The following RPS6KA2 variants were observed in gnomAD, a reference collection of about 807,000 sequenced individuals.
RPS6KA2 encodes ribosomal protein S6 kinase A2.
In RPS6KA2, 42 loss-of-function variants were observed where a neutral mutation model predicts 91.8. The ratio of observed to expected loss-of-function variants is 0.46; its 90% CI spans 0.36 to 0.59. The LOEUF is 0.59. Among genes scored for constraint, RPS6KA2 ranks in the 20% least tolerant of loss-of-function variants. The pLI, the probability that RPS6KA2 is intolerant of heterozygous loss-of-function variation, is 0.00. For missense variants in RPS6KA2, 798 were observed against 978.5 expected (o/e 0.82, Z 2.46); for synonymous variants, 414 against 393.6 (o/e 1.05, Z -0.61).
intron 11 of RPS6KA2, among the ~76,000 whole-genome samples, chr6:166,467,082 CCTCA>C (rs1205496337): frequency 2.7e-5 from 4 of 147,300 alleles, no homozygotes; most frequent in Admixed American, 1.3e-4. Context: ...TCACTCACTC[CCTCA>C]CTCATTCACT....
At position 166,423,560 on chromosome 6, in the gene RPS6KA2, A is replaced by G. The variant is rs1778806051; in HGVS notation, c.1582-143T>C. ...AGCAGGCAACAGGCCAACAGTGTCA[A>G]CAGCTGCTGTCTTCTCCAGAGGGCC... On this transcript the variant is annotated intron_variant, in intron 16 of 20. Coordinates refer to ENST00000265678, the MANE Select transcript of RPS6KA2 (RefSeq NM_021135.6). The surrounding 1 kb of genome is among the most constrained non-coding windows in gnomAD (Gnocchi z 4.8). 1 of 724,918 alleles carries G rather than the reference A, an allele frequency of 1.4e-6. No homozygotes were observed. The highest frequency in any genetic ancestry group is 2.2e-6 in the Non-Finnish European group (1 of 455,244). The allele number at this position is 724,918 out of a possible 1,614,324, so 44.9% of individuals were successfully genotyped here.
rs370674303 is a variant in RPS6KA2 at position 166,459,179 on chromosome 6, C to T, written c.1075+270G>A. ...TTGCTCTTGCTGTGTGTCTCTCTGA[C>T]ACAGGAAGTAACTGGACCGGTGTCT... On this transcript the variant is annotated intron_variant, in intron 12 of 20. Transcript: ENST00000265678. The surrounding 1 kb of genome is among the most constrained non-coding windows in gnomAD (Gnocchi z 4.9). Among the ~76,000 whole-genome samples the T allele has an allele frequency of 1.6e-4, 24 of 152,288 alleles. No homozygotes were observed. Among genetic ancestry groups the T allele is most frequent in the African/African-American group, 5.5e-4 (23 of 41,560 alleles).
chr6:166,680,500 G>C (rs577828444), intron 2 of RPS6KA2, among the ~76,000 whole-genome samples: 9 of 152,298 alleles, frequency 5.9e-5, no homozygotes, highest in Middle Eastern at 6.8e-3. Context: ...AAATCTTGCT[G>C]GTGCCCACTT....
intron 2 of RPS6KA2, among the ~76,000 whole-genome samples, chr6:166,774,904 C>T (rs557415038): frequency 3.4e-5 from 5 of 148,530 alleles, no homozygotes; most frequent in Non-Finnish European, 7.4e-5. Context: ...GCTTCAATAG[C>T]TCTGAGCTGT....
Position 166,702,599 on chromosome 6 carries a change from G to A in RPS6KA2, c.123+155601C>T, listed in dbSNP as rs1789558561. ...GGGATATTTCGTATCTGAAGTTTCC[G>A]AATCCTTTGCCTTTTTGGGACCGAG... On this transcript the variant is annotated intron_variant, in intron 2 of 21. Transcript: ENST00000503859. 11 of 1,553,394 alleles carry A rather than the reference G, an allele frequency of 7.1e-6. No homozygotes were observed. The South Asian group carries it at 7.8e-5, about 11-fold the overall frequency.
At chr6:166,540,802 C>A (rs1391350885) in intron 1 of RPS6KA2, among the ~76,000 whole-genome samples, 14 of 152,256 alleles carry the variant, frequency 9.2e-5, no homozygotes, top group African/African-American at 3.4e-4. Context: ...CAGGGATCCA[C>A]GTGTGTCACT....
chr6:166,855,442 GA>G (rs1780867125), intron 2 of RPS6KA2, among the ~76,000 whole-genome samples: 1 of 93,216 alleles, frequency 1.1e-5, no homozygotes, highest in Admixed American at 9.9e-5. Flanking sequence ...AGAAGAGGAA[GA>G]AGAAGAGGAA....
At chr6:166,681,600 A>C (rs909941574) in intron 2 of RPS6KA2, among the ~76,000 whole-genome samples, 1 of 151,514 alleles carries the variant, frequency 6.6e-6, no homozygotes, top group African/African-American at 2.4e-5. Context: ...CCGAAGGGAA[A>C]ACTGTTCCTG....
At chr6:166,779,492 C>A (rs997700075) in intron 2 of RPS6KA2, among the ~76,000 whole-genome samples, 1 of 152,110 alleles carries the variant, frequency 6.6e-6, no homozygotes, top group Non-Finnish European at 1.5e-5. Context: ...GGCCTGGGAG[C>A]CTGTGCTTGT....
exon 1 of RPS6KA2, chr6:166,862,359 G>C: frequency 3.5e-6 from 5 of 1,425,230 alleles, no homozygotes; most frequent in Non-Finnish European, 4.6e-6. Flanking sequence ...GGCCTGCGCC[G>C]GCCGGAGGAG....
intron 2 of RPS6KA2, among the ~76,000 whole-genome samples, chr6:166,721,226 G>A (rs1244013168): frequency 6.6e-6 from 1 of 152,214 alleles, no homozygotes; most frequent in East Asian, 1.9e-4. Context: ...TGGAAAGGCG[G>A]GGGACATCGG....
intron 1 of RPS6KA2, among the ~76,000 whole-genome samples, chr6:166,587,368 T>C (rs1785211406): frequency 6.6e-6 from 1 of 152,130 alleles, no homozygotes; most frequent in Non-Finnish European, 1.5e-5. Flanking sequence ...TCAAAATCAG[T>C]TCTAATCACC....
At chr6:166,479,499 C>T (rs1781110462) in intron 10 of RPS6KA2, among the ~76,000 whole-genome samples, 1 of 152,140 alleles carries the variant, frequency 6.6e-6, no homozygotes, top group Non-Finnish European at 1.5e-5. Flanking sequence ...TGAGTGGCAG[C>T]ATGGTCCTGC....
At chr6:166,690,621 T>C (rs1290171100) in intron 2 of RPS6KA2, among the ~76,000 whole-genome samples, 2 of 152,182 alleles carry the variant, frequency 1.3e-5, no homozygotes, top group Non-Finnish European at 2.9e-5. Flanking sequence ...GGTTTTCCTC[T>C]CTGTGGATGA....
At chr6:166,483,036 G>A (rs993914991) in intron 10 of RPS6KA2, among the ~76,000 whole-genome samples, 7 of 152,196 alleles carry the variant, frequency 4.6e-5, no homozygotes, top group Non-Finnish European at 1.0e-4. Flanking sequence ...AGAGATTCTG[G>A]AAAACCAGAT....
At chr6:166,544,368 G>A (rs1275097855) in intron 1 of RPS6KA2, among the ~76,000 whole-genome samples, 1 of 152,168 alleles carries the variant, frequency 6.6e-6, no homozygotes, top group Non-Finnish European at 1.5e-5. Context: ...TGCAGGAACA[G>A]CCCCCGGAGA....
At position 166,448,678 on chromosome 6, in the gene RPS6KA2, C is replaced by A; in HGVS notation, c.1332+46G>T. On this transcript the variant is annotated intron_variant, in intron 14 of 20. Coordinates refer to ENST00000265678, the MANE Select transcript of RPS6KA2 (RefSeq NM_021135.6). This position sits in a 1 kb window ranked among gnomAD's most constrained non-coding sequence, Gnocchi z 4.7. ...CCCACATACCACACGTGCTCCCACGCGCTGCACTCACACAGGGCCCTGCTC... is the reference window on the plus strand; with the variant it reads ...CCCACATACCACACGTGCTCCCACGAGCTGCACTCACACAGGGCCCTGCTC... The A allele has an allele frequency of 6.4e-7, 1 of 1,572,602 alleles. No homozygotes were observed. The highest frequency in any genetic ancestry group is 8.6e-7 in the Non-Finnish European group (1 of 1,156,878).
intron 2 of RPS6KA2, among the ~76,000 whole-genome samples, chr6:166,658,665 T>C (rs1316362924): frequency 1.3e-5 from 2 of 152,142 alleles, no homozygotes; most frequent in African/African-American, 4.8e-5. Context: ...CTGATAATGA[T>C]AAAAACATGC....
chr6:166,845,374 T>G (rs1437968677), intron 2 of RPS6KA2, among the ~76,000 whole-genome samples: 3 of 152,018 alleles, frequency 2.0e-5, no homozygotes, highest in Admixed American at 6.6e-5. Context: ...TAACAGATAT[T>G]TACAGAACAT....
Sources: allele counts gnomAD v4.1 joint callset (sites outside exome capture counted in the v4.1 genomes callset), GRCh38; gene constraint gnomAD v4.1.1; non-coding constraint Gnocchi (gnomAD v3.1); transcripts MANE v1.5; gene names NCBI Gene and HGNC (gene_info 2026-07-23, HGNC 2026-07-21).